SIL1: variants seen among roughly 807,000 people sequenced by gnomAD.
SIL1 encodes the protein SIL1 nucleotide exchange factor, also known as nucleotide exchange factor SIL1.
A neutral mutation model predicts 49.1 loss-of-function variants in SIL1; 40 were observed. The ratio of observed to expected loss-of-function variants is 0.81; its 90% confidence interval spans 0.63 to 1.06. SIL1 has a LOEUF of 1.06. Ranked by LOEUF, SIL1 falls within the 50% of genes least tolerant of loss-of-function variation. The pLI is 0.00. For synonymous variants in SIL1, 253 were observed against 250.8 expected (o/e 1.01, Z -0.08); for missense variants, 500 against 572.6 (o/e 0.87, Z 1.29).
chr5:139,015,993 C>T (rs1230621407), intron 7 of SIL1, among the ~76,000 whole-genome samples: 3 of 152,066 alleles, frequency 2.0e-5, no homozygotes, highest in Non-Finnish European at 4.4e-5. Flanking sequence ...AAAGCTGGGG[C>T]AAGAAGACTG....
intron 4 of SIL1, among the ~76,000 whole-genome samples, chr5:139,046,184 G>A (rs1303201732): frequency 1.2e-4 from 18 of 152,312 alleles, no homozygotes; most frequent in Non-Finnish European, 1.2e-4. Context: ...AAAATTGGCT[G>A]GGTGTGGTGG....
chr5:138,982,728 C>T (rs1289371836), intron 7 of SIL1, among the ~76,000 whole-genome samples: 1 of 152,206 alleles, frequency 6.6e-6, no homozygotes, highest in African/African-American at 2.4e-5. Flanking sequence ...CTCCCTAGGA[C>T]AGAACTTCCC....
At chr5:139,068,728 A>C (rs1769763909) in intron 3 of SIL1, among the ~76,000 whole-genome samples, 1 of 152,048 alleles carries the variant, frequency 6.6e-6, no homozygotes. Flanking sequence ...GCTTTTTTCT[A>C]AAAGTTCAAG....
In SIL1 at chr5:139,119,830, C is replaced by T. The variant is rs191893387; in HGVS notation, c.244+1205G>A. Among the ~76,000 whole-genome samples the T allele has an allele frequency of 3.2e-4, 49 of 152,314 alleles. 1 individual carries two copies. The highest frequency in any genetic ancestry group is 1.3e-4 in the Non-Finnish European group (9 of 68,034). ...GCGGATATAGTCCGTATCTTCCACG[C>T]CCTACCCCTGACAGCCTCTGGTTTT... On this transcript the variant is annotated intron_variant, in intron 3 of 9. Transcript: ENST00000394817.
chr5:139,108,702 GGAA>G (rs1200406075), intron 3 of SIL1, among the ~76,000 whole-genome samples: 1 of 152,164 alleles, frequency 6.6e-6, no homozygotes, highest in Non-Finnish European at 1.5e-5. Context: ...ATACGTGGCT[GGAA>G]GAATAGGCTG....
At chr5:139,086,162 A>C (rs1325003369) in intron 3 of SIL1, among the ~76,000 whole-genome samples, 1 of 150,472 alleles carries the variant, frequency 6.6e-6, no homozygotes, top group Non-Finnish European at 1.5e-5. Flanking sequence ...GGCCCCAGTT[A>C]CTCAGGAGGT....
At chr5:138,952,614 C>T (rs1237605050) in intron 7 of SIL1, among the ~76,000 whole-genome samples, 6 of 152,194 alleles carry the variant, frequency 3.9e-5, no homozygotes, top group South Asian at 2.1e-4. Context: ...ACTGAACGAA[C>T]GAACGAATGA....
At chr5:139,187,241 G>A (rs1026807548) in intron 1 of SIL1, among the ~76,000 whole-genome samples, 2 of 152,174 alleles carry the variant, frequency 1.3e-5, no homozygotes, top group African/African-American at 4.8e-5. Context: ...GGAACCGGCT[G>A]GGTGCAGTGG....
intron 4 of SIL1, among the ~76,000 whole-genome samples, chr5:139,043,937 G>C (rs1035769452): frequency 2.9e-4 from 44 of 152,276 alleles, no homozygotes; most frequent in African/African-American, 1.0e-3. Context: ...GGAGGAAGGG[G>C]CTACTGGCCT....
intron 7 of SIL1, among the ~76,000 whole-genome samples, chr5:139,007,934 T>G (rs1207222002): frequency 6.6e-6 from 1 of 151,736 alleles, no homozygotes; most frequent in Non-Finnish European, 1.5e-5. Flanking sequence ...TTTTTTGTTG[T>G]GTCTCTGCCA....
intron 1 of SIL1, among the ~76,000 whole-genome samples, chr5:139,132,563 G>T (rs1439437049): frequency 6.6e-6 from 1 of 152,208 alleles, no homozygotes; most frequent in Non-Finnish European, 1.5e-5. Flanking sequence ...TGGGCAGTGG[G>T]AGAGGGATGG....
At chr5:139,170,991 A>G (rs1193669544) in intron 1 of SIL1, among the ~76,000 whole-genome samples, 1 of 143,870 alleles carries the variant, frequency 7.0e-6, no homozygotes, top group Non-Finnish European at 1.5e-5. Flanking sequence ...CCCGTCCGGG[A>G]GGTGAGGGGC....
intron 7 of SIL1, among the ~76,000 whole-genome samples, chr5:138,962,383 C>T (rs1399491761): frequency 2.0e-5 from 3 of 151,864 alleles, no homozygotes; most frequent in South Asian, 4.2e-4. Flanking sequence ...GTCAGAGAGA[C>T]CTAGGTGAAA....
At chr5:139,122,872 T>C (rs900512927) in intron 2 of SIL1, among the ~76,000 whole-genome samples, 5 of 152,180 alleles carry the variant, frequency 3.3e-5, no homozygotes, top group Non-Finnish European at 5.9e-5. Flanking sequence ...TGCATAGTTA[T>C]GAGAGGCACT....
intron 1 of SIL1, among the ~76,000 whole-genome samples, chr5:139,184,315 G>C (rs1337488749): frequency 6.6e-6 from 1 of 152,180 alleles, no homozygotes; most frequent in Non-Finnish European, 1.5e-5. Flanking sequence ...ACTCTGGCTA[G>C]CAGTATGACC....
chr5:139,057,454 TGAG>T (rs1396535718), intron 3 of SIL1, among the ~76,000 whole-genome samples: 1 of 151,712 alleles, frequency 6.6e-6, no homozygotes, highest in African/African-American at 2.4e-5. Context: ...TGACAGGAAA[TGAG>T]GAGGCAGGGA....
At chr5:138,949,798 CAAAAAAAA>C (rs5871689) in intron 9 of SIL1, among the ~76,000 whole-genome samples, 1 of 83,376 alleles carries the variant, frequency 1.2e-5, no homozygotes, top group African/African-American at 3.7e-5. Flanking sequence ...GACCCTGTCT[CAAAAAAAA>C]AAAAAAAAAA....
Position 138,947,145 on chromosome 5 carries a change from A to G in SIL1, c.1358T>C (p.Val453Ala), listed in dbSNP as rs751454866. Residue 453 changes from valine to alanine, a missense_variant, in exon 10 of 10, where the codon GTC becomes GCC. Val to Ala is a moderately conservative substitution (Grantham distance 64). Transcript: ENST00000394817. This position sits in a 1 kb window ranked among gnomAD's most constrained non-coding sequence, Gnocchi z 4.1. ...EGYFQELLGS[V>A]NSLLKELR ...TCTCAGCTCCTTCAGCAAGCTGTTG[A>G]CAGAGCCCAGCAGCTCCTGGAAGTA... 9.9e-6 allele frequency: 16 copies of G among 1,613,420 alleles called. No homozygotes were observed. The Admixed American group carries it at 1.0e-4, about 10-fold the overall frequency.
chr5:138,966,658 G>T (rs771878522), intron 7 of SIL1, among the ~76,000 whole-genome samples: 10 of 152,174 alleles, frequency 6.6e-5, no homozygotes, highest in Non-Finnish European at 1.3e-4. Flanking sequence ...TCATCGCCAT[G>T]AGAGGAGGGG....
Sources: allele counts gnomAD v4.1 joint callset (sites outside exome capture counted in the v4.1 genomes callset), GRCh38; gene constraint gnomAD v4.1.1; non-coding constraint Gnocchi (gnomAD v3.1); transcripts MANE v1.5; gene names NCBI Gene and HGNC (gene_info 2026-07-23, HGNC 2026-07-21).